The following AEBP2 variants were observed in gnomAD, a reference collection of about 807,000 sequenced individuals.
AEBP2 encodes AE binding protein 2.
Under a neutral mutation model 50.8 loss-of-function variants are expected in AEBP2, and 10 were observed. The observed-to-expected ratio is 0.20, with a 90% CI of 0.12 to 0.33. AEBP2 has a LOEUF of 0.33. AEBP2 is among the 10% of genes least tolerant of loss of function. AEBP2 has a pLI of 1.00. For missense variants in AEBP2, 570 were observed against 688.0 expected (o/e 0.83, Z 1.92); for synonymous variants, 296 against 261.3 (o/e 1.13, Z -1.28).
At chr12:19,446,088 A>G (rs1948059230) in intron 1 of AEBP2, 1 of 123,044 alleles carries the variant, frequency 8.1e-6, no homozygotes, top group Non-Finnish European at 1.9e-5. Flanking sequence ...GTTTTGGAAT[A>G]AGTTTTCTAG....
chr12:19,511,587 G>A (rs1412398984), intron 5 of AEBP2, among the ~76,000 whole-genome samples: 2 of 152,168 alleles, frequency 1.3e-5, no homozygotes, highest in African/African-American at 4.8e-5. Flanking sequence ...GCACTGAGTG[G>A]GAGGTAGCTT....
Position 19,440,294 on chromosome 12 carries a change from A to G in AEBP2, c.595A>G (p.Thr199Ala). ...YGTGGGGSSA[T>A]SGGRRGSLEM... is the part of the protein sequence containing the mutation. ...GACTGGGGGAGGCGGAAGCAGCGCG[A>G]CCTCCGGGGGCCGGCGGGGCAGCTT... Residue 199 changes from threonine (T) to alanine (A), a missense_variant, in exon 1 of 8, where the codon ACC (threonine) becomes GCC (alanine). Thr to Ala is a moderately conservative substitution (Grantham distance 58, BLOSUM62 0). Transcript: ENST00000266508. The G allele has an allele frequency of 6.9e-7, 1 of 1,452,012 alleles. No individual in the cohort carries two copies. Among genetic ancestry groups the G allele is most frequent in the Non-Finnish European group, 9.0e-7 (1 of 1,109,110 alleles). 89.9% of individuals were successfully genotyped at this position (1,452,012 alleles called of 1,614,324 possible).
At chr12:19,460,302 C>T (rs1421158580) in intron 1 of AEBP2, among the ~76,000 whole-genome samples, 4 of 152,076 alleles carry the variant, frequency 2.6e-5, no homozygotes, top group Admixed American at 2.6e-4. Flanking sequence ...TGTAAATTTT[C>T]TCAGGTGTGA....
At chr12:19,491,843 G>GA (rs1948898048) in intron 3 of AEBP2, among the ~76,000 whole-genome samples, 1 of 152,058 alleles carries the variant, frequency 6.6e-6, no homozygotes, top group Non-Finnish European at 1.5e-5. Context: ...GTTCAAAATG[G>GA]AAAGTGTGAG....
chr12:19,473,969 T>C (rs1948611733), intron 3 of AEBP2, among the ~76,000 whole-genome samples: 2 of 152,160 alleles, frequency 1.3e-5, no homozygotes, highest in South Asian at 4.1e-4. Context: ...TTTTAATACC[T>C]TGTGGTCTGA....
intron 5 of AEBP2, chr12:19,509,012 A>T: frequency 1.8e-6 from 1 of 555,760 alleles, no homozygotes. Context: ...TTTTACTAAG[A>T]ACGTTGGGAA....
At chr12:19,409,426 G>C (rs531002856) in intron 1 of AEBP2, among the ~76,000 whole-genome samples, 17 of 151,186 alleles carry the variant, frequency 1.1e-4, no homozygotes, top group Non-Finnish European at 1.6e-4. Flanking sequence ...TGAATATCTT[G>C]TCCCAAAGGG....
chr12:19,419,427 A>C (rs1233953167), intron 1 of AEBP2, among the ~76,000 whole-genome samples: 1 of 151,850 alleles, frequency 6.6e-6, no homozygotes, highest in Non-Finnish European at 1.5e-5. Flanking sequence ...GTCTCTACTA[A>C]AAATACAAAA....
At chr12:19,427,892 T>C (rs540285998) in intron 1 of AEBP2, among the ~76,000 whole-genome samples, 85 of 152,250 alleles carry the variant, frequency 5.6e-4, no homozygotes, top group African/African-American at 2.0e-3. Flanking sequence ...TTATTTTACC[T>C]GCACTAATTA....
chr12:19,453,327 A>G (rs1413547420), intron 1 of AEBP2, among the ~76,000 whole-genome samples: 1 of 151,876 alleles, frequency 6.6e-6, no homozygotes, highest in Non-Finnish European at 1.5e-5. Context: ...CATGTTGCCC[A>G]GGCTGGTCTC....
chr12:19,462,693 A>G lies in AEBP2; in HGVS notation c.855A>G (p.Ile285Met), dbSNP rs748387213. The G allele has an allele frequency of 1.2e-6, 2 of 1,610,612 alleles. No individual in the cohort carries two copies. The highest frequency in any genetic ancestry group is 1.1e-5 in the South Asian group (1 of 90,640). Residue 285 changes from isoleucine to methionine, a missense_variant, in exon 2 of 8, where the codon ATA (isoleucine) becomes ATG (methionine). Ile to Met is a conservative substitution (Grantham distance 10). This residue lies in a region of AEBP2 where 184 missense variants were observed against 351.2 expected (regional missense o/e 0.52). Coordinates refer to ENST00000266508, the MANE Select transcript of AEBP2 (RefSeq NM_153207.5). The stretch of plus-strand genomic sequence containing the variant: ...ATCTGGCAGATCACATCCGTTCCAT[A>G]CATGTAGATGGTCAGCGAGGAGGGG... ...SPDLADHIRSIHVDGQRGGVF... is the reference protein window; with the variant it reads ...SPDLADHIRSMHVDGQRGGVF...
Position 19,521,133 on chromosome 12 carries a change from T to C in AEBP2, c.*3016T>C, listed in dbSNP as rs961638200. ...CATTTCGGATAAGGGATACTCAGCC[T>C]GTCTCTGGTCCTTTAAGAAAAAGTT... On this transcript the variant is annotated 3_prime_UTR_variant, in exon 8 of 8. Coordinates refer to ENST00000266508, the MANE Select transcript of AEBP2 (RefSeq NM_153207.5). The C allele has an allele frequency of 2.6e-5, 4 of 152,194 alleles. No individual in the cohort carries two copies. Among genetic ancestry groups the C allele is most frequent in the African/African-American group, 9.6e-5 (4 of 41,462 alleles). 9.4% of individuals were successfully genotyped at this position (152,194 alleles called of 1,614,324 possible). A position where few individuals can be genotyped will look rare whatever the true frequency, so the allele number is the denominator to read the frequency against.
In AEBP2 at chr12:19,493,993, G is replaced by A; in HGVS notation, c.1174+7G>A. The A allele has an allele frequency of 2.5e-6, 4 of 1,593,172 alleles. No homozygotes were observed. Among genetic ancestry groups the A allele is most frequent in the Non-Finnish European group, 3.4e-6 (4 of 1,170,236 alleles). On this transcript the variant is annotated splice_region_variant and intron_variant, in intron 4 of 7. Coordinates refer to ENST00000266508, the MANE Select transcript of AEBP2 (RefSeq NM_153207.5). ...AAAAGACGACGCTCATTACGTAAGT[G>A]TTACACTGAGAAAATCTGGTGTATT... is the stretch of plus-strand genomic sequence containing the variant.
intron 2 of AEBP2, among the ~76,000 whole-genome samples, chr12:19,470,836 G>T (rs192880648): frequency 1.3e-5 from 2 of 152,276 alleles, no homozygotes; most frequent in Non-Finnish European, 2.9e-5. Context: ...GGGCGGGGGG[G>T]TCACTTAAGA....
intron 1 of AEBP2, among the ~76,000 whole-genome samples, chr12:19,458,175 C>A (rs1330776211): frequency 6.6e-6 from 1 of 152,226 alleles, no homozygotes. Flanking sequence ...CTGTCACAAT[C>A]AGAAGTTACC....
intron 3 of AEBP2, among the ~76,000 whole-genome samples, chr12:19,481,599 C>T (rs964471484): frequency 6.6e-6 from 1 of 152,152 alleles, no homozygotes; most frequent in Non-Finnish European, 1.5e-5. Flanking sequence ...ATGCCTCATC[C>T]TCCCGAGTAG....
chr12:19,419,134 C>T (rs2095744201), intron 1 of AEBP2: 2 of 156,548 alleles, frequency 1.3e-5, no homozygotes, highest in African/African-American at 4.8e-5. Context: ...TTGGTCAGAT[C>T]CTGGAGGAGG....
At chr12:19,432,711 A>G (rs929973137) in intron 1 of AEBP2, among the ~76,000 whole-genome samples, 2 of 152,032 alleles carry the variant, frequency 1.3e-5, no homozygotes, top group African/African-American at 4.8e-5. Flanking sequence ...CCCAGAAGAC[A>G]AAGTAAACAC....
At chr12:19,466,950 T>C (rs1485910404) in intron 2 of AEBP2, 1 of 293,510 alleles carries the variant, frequency 3.4e-6, no homozygotes, top group Non-Finnish European at 5.1e-6. Flanking sequence ...ATATATCCAC[T>C]TAGCATTGTT....
Sources: allele counts gnomAD v4.1 joint callset (sites outside exome capture counted in the v4.1 genomes callset), GRCh38; gene constraint gnomAD v4.1.1; regional missense constraint gnomAD v4.1.1; transcripts MANE v1.5; gene names NCBI Gene and HGNC (gene_info 2026-07-23, HGNC 2026-07-21).